Variants in EPHX4 observed in about 807,000 individuals in gnomAD.
The protein encoded by EPHX4 is epoxide hydrolase 4, also known as abhydrolase domain containing 7.
Under a neutral mutation model 44.9 loss-of-function variants are expected in EPHX4, and 31 were observed. The ratio of observed to expected loss-of-function variants is 0.69; its 90% CI spans 0.52 to 0.93. The LOEUF (loss-of-function observed/expected upper bound fraction) is 0.93. Ranked by LOEUF, EPHX4 falls within the 40% of genes least tolerant of loss-of-function variation. The pLI is 0.00. For missense variants in EPHX4, 373 were observed against 438.1 expected (o/e 0.85, Z 1.33); for synonymous variants, 151 against 159.7 (o/e 0.95, Z 0.41).
intron 6 of EPHX4, among the ~76,000 whole-genome samples, chr1:92,054,481 C>T (rs994963768): frequency 6.7e-6 from 1 of 150,106 alleles, no homozygotes; most frequent in Admixed American, 6.7e-5. Context: ...CCTAGCTACT[C>T]GGAGGCTGAG....
At position 92,030,032 on chromosome 1, in the gene EPHX4, G is replaced by C. The variant is rs1377092661; in HGVS notation, c.-48G>C. 11 of 1,403,894 alleles carry C rather than the reference G, an allele frequency of 7.8e-6. No individual in the cohort carries two copies. Among genetic ancestry groups the C allele is most frequent in the Non-Finnish European group, 1.0e-5 (11 of 1,065,492 alleles). 87.0% of individuals were successfully genotyped at this position (1,403,894 alleles called of 1,614,324 possible). A position where few individuals can be genotyped will look rare whatever the true frequency, so the allele number is the denominator to read the frequency against. ...GCTGGCCTGGCGCGCTGCGGCGCTC[G>C]CTCACCCGCTCCCGAGGAAGGGCAG... On this transcript the variant is annotated 5_prime_UTR_variant, in exon 1 of 7. Coordinates refer to ENST00000370383, the MANE Select transcript of EPHX4 (RefSeq NM_173567.5).
At chr1:92,036,902 G>A (rs1238772525) in intron 2 of EPHX4, among the ~76,000 whole-genome samples, 1 of 151,802 alleles carries the variant, frequency 6.6e-6, no homozygotes, top group African/African-American at 2.4e-5. Flanking sequence ...CAATCAAATT[G>A]CCACTGTTAC....
At chr1:92,031,736 G>C (rs1375527620) in intron 1 of EPHX4, among the ~76,000 whole-genome samples, 1 of 152,112 alleles carries the variant, frequency 6.6e-6, no homozygotes, top group Non-Finnish European at 1.5e-5. Flanking sequence ...TTTTATTCCT[G>C]CTGTTCCCTC....
chr1:92,057,310 A>G (rs1647390049), intron 6 of EPHX4, among the ~76,000 whole-genome samples: 1 of 152,152 alleles, frequency 6.6e-6, no homozygotes, highest in African/African-American at 2.4e-5. Context: ...AAGAAAAAAC[A>G]GAAGGCACAA....
intron 4 of EPHX4, among the ~76,000 whole-genome samples, chr1:92,049,015 T>C (rs1312770907): frequency 6.6e-6 from 1 of 151,554 alleles, no homozygotes; most frequent in African/African-American, 2.4e-5. Context: ...ACACACTTTT[T>C]TATTATATAT....
intron 6 of EPHX4, among the ~76,000 whole-genome samples, chr1:92,061,383 T>TA (rs1462973673): frequency 6.6e-6 from 1 of 152,188 alleles, no homozygotes; most frequent in Admixed American, 6.5e-5. Flanking sequence ...TATTCACTAG[T>TA]AAAAATGTGA....
At chr1:92,030,467 T>TGG (rs1688341991) in intron 1 of EPHX4, among the ~76,000 whole-genome samples, 157 bp downstream of exon 1, 1 of 142,120 alleles carries the variant, frequency 7.0e-6, no homozygotes, top group Admixed American at 7.0e-5. Context: ...CGTGTGTGTG[T>TGG]GTGTGTGTGT....
chr1:92,043,454 T>TA (rs1006918902), intron 3 of EPHX4: 14,672 of 129,860 alleles, frequency 0.11, 1,157 homozygotes, highest in African/African-American at 0.23. Context: ...AGACTCTGTT[T>TA]AAAAAAAAAA....
At chr1:92,033,514 G>A (rs1434087192) in intron 2 of EPHX4, among the ~76,000 whole-genome samples, 1 of 152,232 alleles carries the variant, frequency 6.6e-6, no homozygotes, top group East Asian at 1.9e-4. Flanking sequence ...ATTTTGGTGA[G>A]GCTGGGGTGA....
intron 6 of EPHX4, among the ~76,000 whole-genome samples, chr1:92,055,522 A>T (rs1225830079): frequency 6.6e-6 from 1 of 152,196 alleles, no homozygotes; most frequent in East Asian, 1.9e-4. Context: ...ATGTTAATTT[A>T]AATGGTCTTT....
At chr1:92,031,644 T>TTGAGTTGCC (rs1688361342) in intron 1 of EPHX4, among the ~76,000 whole-genome samples, 2 of 152,360 alleles carry the variant, frequency 1.3e-5, no homozygotes, top group African/African-American at 4.8e-5. Context: ...ACTCAGTTGC[T>TTGAGTTGCC]TGAGTTGCCT....
At chr1:92,052,425 C>T in intron 5 of EPHX4, 85 bp from the exon 6 acceptor site, 1 of 1,322,354 alleles carries the variant, frequency 7.6e-7, no homozygotes, top group Non-Finnish European at 1.0e-6. Context: ...CACACAATGA[C>T]CACCATCCCC....
At position 92,063,368 on chromosome 1, in the gene EPHX4, T is replaced by C; in HGVS notation, c.*82T>C. 1.8e-6 allele frequency: 2 copies of C among 1,118,332 alleles called. No individual in the cohort carries two copies. The highest frequency in any genetic ancestry group is 2.4e-6 in the Non-Finnish European group (2 of 816,654). The allele number at this position is 1,118,332 out of a possible 1,614,324, so 69.3% of individuals were successfully genotyped here. The stretch of plus-strand genomic sequence containing the variant: ...ATTGTTCATCAACTTCTTTATGTTT[T>C]ATTAGAAAAAAACTGTTTTAATGTG... On this transcript the variant is annotated 3_prime_UTR_variant, in exon 7 of 7. Coordinates refer to ENST00000370383, the MANE Select transcript of EPHX4 (RefSeq NM_173567.5).
In EPHX4 at chr1:92,052,499, A is replaced by G. The variant is rs1647280079; in HGVS notation, c.709-11A>G. Reference sequence around the variant, plus strand: ...AAAAAGTTTTAATTATTGTTTTCTCACTTAAATTAGGTTTTGAAACATCTG... The same window carrying G: ...AAAAAGTTTTAATTATTGTTTTCTCGCTTAAATTAGGTTTTGAAACATCTG... On this transcript the variant is annotated splice_polypyrimidine_tract_variant and intron_variant, in intron 5 of 6. Transcript: ENST00000370383. 6.3e-7 allele frequency: 1 copy of G among 1,583,744 alleles called. No individual in the cohort carries two copies. The highest frequency in any genetic ancestry group is 1.2e-5 in the South Asian group (1 of 84,532).
chr1:92,050,197 C>A, intron 4 of EPHX4, 120 bp from the exon 5 acceptor site: 1 of 636,430 alleles, frequency 1.6e-6, no homozygotes, highest in East Asian at 3.0e-5. Flanking sequence ...CCAAAGAAGC[C>A]TTACTTATGG....
At chr1:92,032,388 A>G in intron 1 of EPHX4, 117 bp from the exon 2 acceptor site, 1 of 720,248 alleles carries the variant, frequency 1.4e-6, no homozygotes, top group African/African-American at 1.8e-5. Flanking sequence ...TATTGTAAAT[A>G]CACAAATGTT....
At position 92,030,044 on chromosome 1, in the gene EPHX4, C is replaced by T. The variant is rs1377607142; in HGVS notation, c.-36C>T. On this transcript the variant is annotated 5_prime_UTR_variant, in exon 1 of 7. Coordinates refer to ENST00000370383, the MANE Select transcript of EPHX4 (RefSeq NM_173567.5). ...CGCTGCGGCGCTCGCTCACCCGCTC[C>T]CGAGGAAGGGCAGTGGGCCCCGCCG... 6 of 1,480,022 alleles carry T rather than the reference C, an allele frequency of 4.1e-6. No individual in the cohort carries two copies. The highest frequency in any genetic ancestry group is 5.4e-6 in the Non-Finnish European group (6 of 1,112,446). 91.7% of individuals were successfully genotyped at this position (1,480,022 alleles called of 1,614,324 possible).
Position 92,030,326 on chromosome 1 carries a change from G to A in EPHX4, c.231+16G>A, listed in dbSNP as rs574879324. 8.6e-6 allele frequency: 13 copies of A among 1,504,546 alleles called. No individual in the cohort carries two copies. The African/African-American group carries it at 9.8e-5, about 11-fold the overall frequency. 93.2% of individuals were successfully genotyped at this position (1,504,546 alleles called of 1,614,324 possible). ...GCGGATCAAGGTGAAGGGCCGCGCG[G>A]GCCTGGCGGGAGCGGGAGGGAGCGT... On this transcript the variant is annotated intron_variant, in intron 1 of 6. Transcript: ENST00000370383.
chr1:92,061,184 G>A (rs988864830), intron 6 of EPHX4, among the ~76,000 whole-genome samples: 2 of 151,946 alleles, frequency 1.3e-5, no homozygotes, highest in Admixed American at 1.3e-4. Context: ...TCTAAAGTTT[G>A]TATTCTAACC....
Sources: gnomAD v4.1 joint callset for allele counts (sites outside exome capture counted in the v4.1 genomes callset) on GRCh38, gnomAD v4.1.1 for gene constraint, MANE v1.5 for transcripts, NCBI Gene and HGNC (gene_info 2026-07-23, HGNC 2026-07-21) for gene names.